The following STS variants were observed in gnomAD, a reference collection of about 807,000 sequenced individuals.
The protein encoded by STS is steryl-sulfatase.
Under a neutral mutation model 26.8 loss-of-function variants are expected in STS, and 7 were observed. The ratio of observed to expected loss-of-function variants is 0.26; its 90% CI spans 0.15 to 0.49. STS has a LOEUF of 0.49. Ranked by LOEUF, STS falls within the 20% of genes least tolerant of loss-of-function variation. The pLI is 0.98. For missense variants in STS, 434 were observed against 465.6 expected (o/e 0.93, Z 0.63); for synonymous variants, 199 against 189.4 (o/e 1.05, Z -0.42).
At chrX:7,215,114 T>C (rs1252177974) in intron 2 of STS, among the ~76,000 whole-genome samples, 1 of 76,572 alleles carries the variant, frequency 1.3e-5, no homozygotes, top group Non-Finnish European at 2.3e-5. Flanking sequence ...TATACACATA[T>C]ATACACACAC....
At chrX:7,152,372 A>G (rs1490982351) in intron 1 of STS, among the ~76,000 whole-genome samples, 1 of 111,597 alleles carries the variant, frequency 9.0e-6, no homozygotes, top group East Asian at 2.8e-4. Flanking sequence ...GGTGGAGTGC[A>G]GTGGCGTGAA....
At chrX:7,213,169 G>C (rs1033928596) in intron 2 of STS, among the ~76,000 whole-genome samples, 1 of 111,378 alleles carries the variant, frequency 9.0e-6, no homozygotes, top group Non-Finnish European at 1.9e-5. Context: ...AGCCAACTGG[G>C]ACACACAAAA....
intron 7 of STS, among the ~76,000 whole-genome samples, chrX:7,289,197 T>C (rs1293574847): frequency 2.7e-5 from 3 of 111,174 alleles, no homozygotes; most frequent in African/African-American, 9.8e-5. Context: ...CTGGCTTCTG[T>C]AGCCACCATT....
At chrX:7,300,787 A>G (rs773753743) in intron 7 of STS, among the ~76,000 whole-genome samples, 1 of 111,646 alleles carries the variant, frequency 9.0e-6, no homozygotes, top group South Asian at 3.8e-4. Context: ...TGAAGAAGAA[A>G]CTTGATGAGG....
At chrX:7,216,305 G>T (rs1329955924) in intron 2 of STS, among the ~76,000 whole-genome samples, 2 of 111,568 alleles carry the variant, frequency 1.8e-5, no homozygotes, top group African/African-American at 3.3e-5. Flanking sequence ...TCTTTAGGGG[G>T]TCTCCCAGGA....
chrX:7,229,624 T>C (rs1415755783), intron 2 of STS, among the ~76,000 whole-genome samples: 1 of 110,733 alleles, frequency 9.0e-6, no homozygotes, highest in Non-Finnish European at 1.9e-5. Flanking sequence ...GGGGGCTTCA[T>C]GAAGACTGCA....
At chrX:7,254,361 C>T (rs1411310484) in intron 3 of STS, among the ~76,000 whole-genome samples, 5 of 111,058 alleles carry the variant, frequency 4.5e-5, no homozygotes, top group African/African-American at 1.6e-4. Flanking sequence ...ATTTTAAGGA[C>T]CCTTTTGTTT....
intron 1 of STS, 149 bp downstream of exon 1, chrX:7,148,232 C>T (rs1932927024): frequency 2.7e-6 from 1 of 368,034 alleles, no homozygotes. Flanking sequence ...CACGCGCCTT[C>T]CGCGGCCCCT....
At chrX:7,167,467 C>T (rs938053487) in intron 1 of STS, among the ~76,000 whole-genome samples, 2 of 111,703 alleles carry the variant, frequency 1.8e-5, no homozygotes, top group Admixed American at 9.5e-5. Flanking sequence ...CTGCCTGCCT[C>T]GGCCTTCCAA....
At chrX:7,205,716 G>A (rs1008658143) in intron 2 of STS, among the ~76,000 whole-genome samples, 13 of 101,526 alleles carry the variant, frequency 1.3e-4, no homozygotes, top group South Asian at 4.8e-4. Flanking sequence ...GCAGTGATGC[G>A]ATCATAGCAA....
chrX:7,341,558 C>T (rs192697595), intron 10 of STS, among the ~76,000 whole-genome samples: 79 of 112,193 alleles, frequency 7.0e-4, no homozygotes, highest in Non-Finnish European at 1.3e-4. Flanking sequence ...CTGCCTTCCT[C>T]ACTCCGTTAT....
chrX:7,174,124 C>T (rs1442967091), intron 1 of STS, among the ~76,000 whole-genome samples: 1 of 111,487 alleles, frequency 9.0e-6, no homozygotes. Flanking sequence ...AAGCATCCAA[C>T]AGAGAAGGGA....
intron 8 of STS, among the ~76,000 whole-genome samples, chrX:7,323,437 G>A (rs1250346552): frequency 9.0e-6 from 1 of 110,894 alleles, no homozygotes; most frequent in Non-Finnish European, 1.9e-5. Flanking sequence ...TATGAGTACT[G>A]AATGTTTAGC....
intron 9 of STS, among the ~76,000 whole-genome samples, chrX:7,325,763 G>C (rs775307495): frequency 3.6e-5 from 4 of 112,448 alleles, no homozygotes; most frequent in Middle Eastern, 4.6e-3. Flanking sequence ...AGTATGGGCA[G>C]TGTGTAGAAG....
intron 10 of STS, among the ~76,000 whole-genome samples, chrX:7,349,180 A>T (rs1180627888): frequency 2.1e-5 from 2 of 97,183 alleles, no homozygotes; most frequent in Non-Finnish European, 4.1e-5. Context: ...TCTTATAGAG[A>T]TGGGCTTTAA....
intron 6 of STS, among the ~76,000 whole-genome samples, chrX:7,263,681 A>T (rs1054845390): frequency 8.9e-6 from 1 of 112,361 alleles, no homozygotes; most frequent in African/African-American, 3.2e-5. Flanking sequence ...TGTGAAGTAT[A>T]CTGCTTATTG....
intron 7 of STS, among the ~76,000 whole-genome samples, chrX:7,291,888 T>C (rs997270132): frequency 2.7e-5 from 3 of 112,261 alleles, no homozygotes; most frequent in African/African-American, 6.5e-5. Flanking sequence ...AAGGTGGAAT[T>C]ACCTGTCAAA....
At chrX:7,320,063 AT>A (rs1341518679) in intron 8 of STS, among the ~76,000 whole-genome samples, 2 of 89,218 alleles carry the variant, frequency 2.2e-5, no homozygotes, top group African/African-American at 4.4e-5. Context: ...TTATATATAT[AT>A]TTTATATATA....
chrX:7,154,945 A>T lies in STS; in HGVS notation c.-134+6862A>T, dbSNP rs113260843. On this transcript the variant is annotated intron_variant, in intron 1 of 10. Transcript: ENST00000674429. ...CGTGGTCCAACCAGTCATTTCTAGGATTGAAATTTTTCTCCTTTATTTTAC... is the reference window on the plus strand; with the variant it reads ...CGTGGTCCAACCAGTCATTTCTAGGTTTGAAATTTTTCTCCTTTATTTTAC... Among the ~76,000 whole-genome samples the T allele has an allele frequency of 3.9e-3, 437 of 112,305 alleles. 2 individuals are homozygous for T. The highest frequency in any genetic ancestry group is 0.014 in the African/African-American group (423 of 30,987).
Sources: gnomAD v4.1 joint callset for allele counts (sites outside exome capture counted in the v4.1 genomes callset) on GRCh38, gnomAD v4.1.1 for gene constraint, MANE v1.5 for transcripts, NCBI Gene and HGNC (gene_info 2026-07-23, HGNC 2026-07-21) for gene names.